Variants in SLF1 observed in about 807,000 individuals in gnomAD.
The protein encoded by SLF1 is SMC5/6 complex localization factor 1.
SLF1 carries 105 observed loss-of-function variants against 123.0 expected under a neutral mutation model. That is an observed-to-expected ratio of 0.85 (90% CI 0.73 to 1.00). The LOEUF (loss-of-function observed/expected upper bound fraction) is 1.00, where lower values mean the gene tolerates loss of function less well. Ranked by LOEUF, SLF1 falls within the 50% of genes least tolerant of loss-of-function variation. SLF1 has a pLI of 0.00. For synonymous variants in SLF1, 434 were observed against 406.6 expected, an observed-to-expected ratio of 1.07 and a Z score of -0.81; for missense variants, 1,239 against 1,223.0, an observed-to-expected ratio of 1.01 and a Z score of -0.20.
intron 1 of SLF1, among the ~76,000 whole-genome samples, chr5:94,623,854 A>C (rs542541071): frequency 3.3e-5 from 5 of 152,274 alleles, no homozygotes; most frequent in East Asian, 1.9e-4. Flanking sequence ...TTTTATAAAT[A>C]AATCAATCAG....
At chr5:94,679,382 C>A (rs188843367) in intron 15 of SLF1, among the ~76,000 whole-genome samples, 166 of 152,094 alleles carry the variant, frequency 1.1e-3, no homozygotes, top group Middle Eastern at 3.4e-3. Flanking sequence ...TCTCTTGAGC[C>A]CAGGAGTTTG....
intron 9 of SLF1, among the ~76,000 whole-genome samples, chr5:94,661,083 A>G (rs1749044494): frequency 6.6e-6 from 1 of 151,992 alleles, no homozygotes; most frequent in South Asian, 2.1e-4. Flanking sequence ...TCTGGGCTCT[A>G]CCTGGCGCCA....
At chr5:94,658,098 T>G (rs1390573547) in intron 9 of SLF1, among the ~76,000 whole-genome samples, 10 of 151,962 alleles carry the variant, frequency 6.6e-5, no homozygotes, top group Non-Finnish European at 1.3e-4. Context: ...GTTTTGTGGT[T>G]GTTTTGTGTG....
intron 12 of SLF1, 47 bp downstream of exon 12, chr5:94,666,071 T>A: frequency 7.0e-7 from 1 of 1,434,216 alleles, no homozygotes; most frequent in African/African-American, 1.4e-5. Context: ...TGAGTAGTTG[T>A]TATGCTAATT....
chr5:94,624,288 A>C (rs961253157), intron 1 of SLF1, among the ~76,000 whole-genome samples: 2 of 152,200 alleles, frequency 1.3e-5, no homozygotes, highest in East Asian at 3.8e-4. Flanking sequence ...CAAAGGAAAT[A>C]AATTGCTTTA....
chr5:94,670,319 G>A (rs1218695791), intron 13 of SLF1, 40 bp downstream of exon 13: 4 of 1,388,108 alleles, frequency 2.9e-6, no homozygotes, highest in Admixed American at 7.1e-5. Context: ...TCTAAATTTT[G>A]GTTGTTTTTA....
chr5:94,638,573 G>C (rs1366421760), intron 4 of SLF1, among the ~76,000 whole-genome samples: 1 of 152,200 alleles, frequency 6.6e-6, no homozygotes, highest in Non-Finnish European at 1.5e-5. Context: ...TTCCTGAGAT[G>C]TATCTCAGAA....
chr5:94,690,591 T>G (rs1386468990), intron 18 of SLF1, among the ~76,000 whole-genome samples: 3 of 152,130 alleles, frequency 2.0e-5, no homozygotes, highest in African/African-American at 7.2e-5. Context: ...CAAAAGCTTT[T>G]TATGCATGTA....
At chr5:94,663,966 A>G (rs1749439564) in intron 11 of SLF1, 58 bp downstream of exon 11, 1 of 1,397,282 alleles carries the variant, frequency 7.2e-7, no homozygotes, top group Non-Finnish European at 9.4e-7. Context: ...AAATGTGAAC[A>G]TTTTCTCACT....
chr5:94,680,074 A>G (rs1292614114), intron 15 of SLF1, among the ~76,000 whole-genome samples: 1 of 152,184 alleles, frequency 6.6e-6, no homozygotes, highest in East Asian at 1.9e-4. Context: ...AAACTGCCAA[A>G]TAAGTACTCT....
At chr5:94,625,678 C>T (rs1454262042) in intron 1 of SLF1, among the ~76,000 whole-genome samples, 2 of 152,020 alleles carry the variant, frequency 1.3e-5, no homozygotes, top group East Asian at 1.9e-4. Context: ...CCACCATGCC[C>T]GGCCAAGACC....
chr5:94,689,406 C>T (rs1752822173), intron 17 of SLF1, 67 bp from the exon 18 acceptor site: 3 of 1,469,502 alleles, frequency 2.0e-6, no homozygotes, highest in East Asian at 4.7e-5. Context: ...TAAAAAATAC[C>T]ATCTAATGTA....
Position 94,653,287 on chromosome 5 carries a change from AAAG to A in SLF1, c.900_902del (p.Lys300_Asp301delinsAsn), listed in dbSNP as rs1159738603. On this transcript the variant is annotated inframe_deletion, in exon 8 of 21. Transcript: ENST00000265140. ...ATACATGTAGAAGGAAATTAAGAAAAAAGATGAAGATATTCAGAGGAGTTATAC... is the reference window on the plus strand; with the variant it reads ...ATACATGTAGAAGGAAATTAAGAAAAATGAAGATATTCAGAGGAGTTATAC... 2.6e-6 allele frequency: 4 copies of A among 1,526,030 alleles called. No homozygotes were observed. The highest frequency in any genetic ancestry group is 2.6e-6 in the Non-Finnish European group (3 of 1,138,600). The allele number at this position is 1,526,030 out of a possible 1,614,324, so 94.5% of individuals were successfully genotyped here. A position where few individuals can be genotyped will look rare whatever the true frequency, so the allele number is the denominator to read the frequency against.
At chr5:94,675,659 A>G (rs1364094357) in intron 14 of SLF1, among the ~76,000 whole-genome samples, 1 of 152,144 alleles carries the variant, frequency 6.6e-6, no homozygotes, top group African/African-American at 2.4e-5. Context: ...ACTTACTATT[A>G]TGGCTATGTA....
At chr5:94,685,971 G>A (rs546017425) in intron 15 of SLF1, among the ~76,000 whole-genome samples, 89 of 151,796 alleles carry the variant, frequency 5.9e-4, no homozygotes, top group African/African-American at 1.9e-3. Flanking sequence ...ATACATGCTC[G>A]TTTCATGTTT....
intron 10 of SLF1, 64 bp downstream of exon 10, chr5:94,662,415 T>C: frequency 7.3e-7 from 1 of 1,374,974 alleles, no homozygotes; most frequent in Admixed American, 2.4e-5. Flanking sequence ...TTGTTATTAG[T>C]TATTTTGAAT....
At chr5:94,681,223 C>T (rs544812340) in intron 15 of SLF1, among the ~76,000 whole-genome samples, 3 of 152,018 alleles carry the variant, frequency 2.0e-5, no homozygotes, top group African/African-American at 4.8e-5. Flanking sequence ...TCTGCCTCCC[C>T]GGTTCAAGCA....
At chr5:94,640,248 T>C (rs10072894) in intron 4 of SLF1, among the ~76,000 whole-genome samples, 85,887 of 151,984 alleles carry the variant, frequency 0.57, 24,862 homozygotes, top group African/African-American at 0.7. Flanking sequence ...AAGATATTTT[T>C]ACTGCATATA....
At chr5:94,684,847 C>G (rs1752234268) in intron 15 of SLF1, among the ~76,000 whole-genome samples, 1 of 152,160 alleles carries the variant, frequency 6.6e-6, no homozygotes, top group Non-Finnish European at 1.5e-5. Flanking sequence ...TTAAACACTC[C>G]TTATGACAAG....
Sources: gnomAD v4.1 joint callset for allele counts (sites outside exome capture counted in the v4.1 genomes callset) on GRCh38, gnomAD v4.1.1 for gene constraint, MANE v1.5 for transcripts, NCBI Gene and HGNC (gene_info 2026-07-23, HGNC 2026-07-21) for gene names.